The following SHC4 variants were observed in gnomAD, a reference collection of about 807,000 sequenced individuals.
SHC4 encodes the protein SHC-transforming protein 4.
Under a neutral mutation model 69.4 loss-of-function variants are expected in SHC4, and 41 were observed. The observed-to-expected ratio is 0.59, with a 90% confidence interval of 0.46 to 0.77. The LOEUF (loss-of-function observed/expected upper bound fraction) is 0.77. Ranked by LOEUF, SHC4 falls within the 30% of genes least tolerant of loss-of-function variation. The pLI, the probability that SHC4 is intolerant of heterozygous loss-of-function variation, is 0.00. For missense variants in SHC4, 777 were observed against 783.8 expected (o/e 0.99, Z 0.10); for synonymous variants, 318 against 299.3 (o/e 1.06, Z -0.64).
chr15:48,907,405 T>C (rs1438055379), intron 2 of SHC4, among the ~76,000 whole-genome samples: 1 of 151,942 alleles, frequency 6.6e-6, no homozygotes, highest in African/African-American at 2.4e-5. Flanking sequence ...GTATTTTTTT[T>C]GAAGTCTGTG....
chr15:48,830,810 C>T (rs1165740856), intron 11 of SHC4, among the ~76,000 whole-genome samples: 1 of 152,172 alleles, frequency 6.6e-6, no homozygotes, highest in African/African-American at 2.4e-5. Context: ...CCGCCAAGGT[C>T]ATATTTCTGA....
At chr15:48,918,338 T>G (rs1900670587) in intron 2 of SHC4, among the ~76,000 whole-genome samples, 1 of 152,196 alleles carries the variant, frequency 6.6e-6, no homozygotes, top group Non-Finnish European at 1.5e-5. Context: ...GACTTTAAAC[T>G]GGCTCATTCA....
intron 2 of SHC4, among the ~76,000 whole-genome samples, chr15:48,909,648 T>G (rs1374529418): frequency 6.6e-6 from 1 of 152,166 alleles, no homozygotes; most frequent in African/African-American, 2.4e-5. Flanking sequence ...TCAGAGGGAA[T>G]GTTTTCAAAG....
chr15:48,897,326 A>G (rs1900240823), intron 2 of SHC4, among the ~76,000 whole-genome samples: 1 of 152,220 alleles, frequency 6.6e-6, no homozygotes, highest in South Asian at 2.1e-4. Context: ...TTTTAAGCAT[A>G]TAAAACCCTG....
At chr15:48,835,286 T>C (rs1481462981) in intron 10 of SHC4, among the ~76,000 whole-genome samples, 1 of 152,132 alleles carries the variant, frequency 6.6e-6, no homozygotes, top group Non-Finnish European at 1.5e-5. Flanking sequence ...AGATGGGAAA[T>C]GGAACAGACC....
rs1595731991 is a variant in SHC4 at position 48,851,646 on chromosome 15, C to A, written c.1243-398G>T. Among the ~76,000 whole-genome samples the A allele has an allele frequency of 2.0e-5, 3 of 152,314 alleles. No homozygotes were observed. The South Asian group carries it at 6.2e-4, about 32-fold the overall frequency. ...TTTGAATTGGTAGATTGGATTTCTA[C>A]TCTACTCAGGTTTATGCCAGGCTCA... On this transcript the variant is annotated intron_variant, in intron 8 of 11. Coordinates refer to ENST00000332408, the MANE Select transcript of SHC4 (RefSeq NM_203349.4).
intron 10 of SHC4, among the ~76,000 whole-genome samples, chr15:48,840,842 T>C (rs534032787): frequency 6.6e-5 from 10 of 152,164 alleles, no homozygotes; most frequent in South Asian, 4.2e-4. Context: ...TAAATCCTAA[T>C]AGGAAATAAA....
chr15:48,828,145 T>C (rs1291496912), intron 11 of SHC4, among the ~76,000 whole-genome samples: 1 of 151,776 alleles, frequency 6.6e-6, no homozygotes, highest in Non-Finnish European at 1.5e-5. Context: ...ACATCTGTTA[T>C]GTAACAGTTA....
chr15:48,892,573 A>T (rs910612104), intron 2 of SHC4, among the ~76,000 whole-genome samples: 1 of 152,146 alleles, frequency 6.6e-6, no homozygotes, highest in African/African-American at 2.4e-5. Context: ...TATTAATCCA[A>T]ATTGGCACTG....
intron 1 of SHC4, among the ~76,000 whole-genome samples, chr15:48,930,860 A>G (rs1320995792): frequency 6.6e-6 from 1 of 152,184 alleles, no homozygotes; most frequent in Non-Finnish European, 1.5e-5. Flanking sequence ...CATTCCCTTC[A>G]TAACCTTGAA....
chr15:48,963,309 G>A lies in SHC4; in HGVS notation c.-294C>T. 5.6e-6 allele frequency: 2 copies of A among 356,870 alleles called. No homozygotes were observed. Among genetic ancestry groups the A allele is most frequent in the South Asian group, 7.2e-5 (1 of 13,968 alleles). 22.1% of individuals were successfully genotyped at this position (356,870 alleles called of 1,614,324 possible). On this transcript the variant is annotated 5_prime_UTR_variant, in exon 1 of 12. Coordinates refer to ENST00000332408, the MANE Select transcript of SHC4 (RefSeq NM_203349.4). ...CTAGACCCAGGCTCCCGGCGGCGCG[G>A]GTCGCTCACGGCCAACTCTTAGGCG...
At chr15:48,896,768 AGC>A (rs1900229225) in intron 2 of SHC4, among the ~76,000 whole-genome samples, 1 of 152,240 alleles carries the variant, frequency 6.6e-6, no homozygotes, top group Non-Finnish European at 1.5e-5. Context: ...CCTTGCTGAT[AGC>A]AGCGTTAACA....
intron 2 of SHC4, among the ~76,000 whole-genome samples, chr15:48,898,775 C>A (rs1021671590): frequency 6.6e-6 from 1 of 152,122 alleles, no homozygotes; most frequent in Non-Finnish European, 1.5e-5. Context: ...AATCATGTAT[C>A]TCAAAATTCA....
intron 2 of SHC4, among the ~76,000 whole-genome samples, chr15:48,918,559 C>T (rs1049029591): frequency 2.8e-5 from 4 of 143,810 alleles, no homozygotes; most frequent in African/African-American, 7.4e-5. Flanking sequence ...ACTATTGAAT[C>T]GTTTCCATTT....
chr15:48,957,936 C>T (rs1901481419), intron 1 of SHC4, among the ~76,000 whole-genome samples: 1 of 152,126 alleles, frequency 6.6e-6, no homozygotes, highest in African/African-American at 2.4e-5. Flanking sequence ...CCAAGGAGCA[C>T]CAAGAATTGC....
rs553453097 is a variant in SHC4 at position 48,836,148 on chromosome 15, G to A, written c.1484-1126C>T. Among the ~76,000 whole-genome samples the A allele has an allele frequency of 1.1e-3, 162 of 151,640 alleles. 1 individual carries two copies. The highest frequency in any genetic ancestry group is 3.6e-3 in the African/African-American group (148 of 41,336). On this transcript the variant is annotated intron_variant, in intron 10 of 11. Transcript: ENST00000332408. ...GCAGAGGTTGCAATGAGCCAAGATC[G>A]CGCCACTGCACTCCAGCCTGGGCGA...
intron 10 of SHC4, among the ~76,000 whole-genome samples, chr15:48,836,118 G>A (rs1898894354): frequency 6.6e-6 from 1 of 151,736 alleles, no homozygotes; most frequent in Non-Finnish European, 1.5e-5. Context: ...GCTTAAACCG[G>A]GGAGGCAGAG....
In SHC4 at chr15:48,834,860, C is replaced by G; in HGVS notation, c.1646G>C (p.Arg549Pro). The G allele has an allele frequency of 6.2e-7, 1 of 1,614,160 alleles. No homozygotes were observed. The highest frequency in any genetic ancestry group is 1.1e-5 in the South Asian group (1 of 91,082). The change falls in exon 11 of 12, where the codon CGA becomes CCA. Residue 549 changes from arginine (R) to proline (P), a missense_variant. Arg to Pro is a moderately radical substitution (Grantham distance 103). Transcript: ENST00000332408. ...TTGGCCAGGGGATGTTGCACTCTCT[C>G]GAACCAAAAAGTCCCCATCCTTTAC... ...LLVKDGDFLV[R>P]ESATSPGQYV...
In SHC4 at chr15:48,861,166, G is replaced by C. The variant is rs567135234; in HGVS notation, c.947-3351C>G. 1.9e-4 allele frequency among the ~76,000 whole-genome samples: 29 copies of C among 152,212 alleles called. No homozygotes were observed. In the South Asian group the frequency reaches 5.6e-3, roughly 29 times the overall value. Reference sequence around the variant, plus strand: ...ATTATAGAGACAGGTGTCTCACTACGTTGCTCAGACTGGACTTGAACTCCT... The same window carrying C: ...ATTATAGAGACAGGTGTCTCACTACCTTGCTCAGACTGGACTTGAACTCCT... On this transcript the variant is annotated intron_variant, in intron 6 of 11. Transcript: ENST00000332408.
Sources: gnomAD v4.1 joint callset for allele counts (sites outside exome capture counted in the v4.1 genomes callset) on GRCh38, gnomAD v4.1.1 for gene constraint, MANE v1.5 for transcripts, NCBI Gene and HGNC (gene_info 2026-07-23, HGNC 2026-07-21) for gene names.